The following MRPL42 variants were observed in gnomAD, a reference collection of about 807,000 sequenced individuals.
MRPL42 encodes the protein large ribosomal subunit protein mL42.
Under a neutral mutation model 17.9 loss-of-function variants are expected in MRPL42, and 17 were observed. The ratio of observed to expected loss-of-function variants is 0.95; its 90% CI spans 0.65 to 1.42. The LOEUF is 1.42. Among genes scored for constraint, MRPL42 ranks in the 40% most tolerant of loss-of-function variants. The probability of loss-of-function intolerance (pLI) is 0.00; values close to 1 mark genes in which losing one functional copy is unlikely to be tolerated. For synonymous variants in MRPL42, 59 were observed against 54.4 expected (o/e 1.08, Z -0.37); for missense variants, 177 against 175.2 (o/e 1.01, Z -0.06).
In MRPL42 at chr12:93,510,049, G is replaced by A. The variant is rs1374917839; in HGVS notation, c.*8828G>A. On this transcript the variant is annotated 3_prime_UTR_variant, in exon 6 of 6. Transcript: ENST00000549982. Reference sequence around the variant, plus strand: ...ACAATGACATGTATCCATCTTTATAGTCATGCAGAGTCTACACTGTCCTAA... The same window carrying A: ...ACAATGACATGTATCCATCTTTATAATCATGCAGAGTCTACACTGTCCTAA... The A allele has an allele frequency of 2.0e-5, 3 of 152,226 alleles. No homozygotes were observed. The highest frequency in any genetic ancestry group is 2.0e-4 in the Admixed American group (3 of 15,276). 9.4% of individuals were successfully genotyped at this position (152,226 alleles called of 1,614,324 possible). A position where few individuals can be genotyped will look rare whatever the true frequency, so the allele number is the denominator to read the frequency against.
At chr12:93,484,205 G>C (rs1880598689) in intron 4 of MRPL42, among the ~76,000 whole-genome samples, 1 of 152,040 alleles carries the variant, frequency 6.6e-6, no homozygotes, top group Non-Finnish European at 1.5e-5. Context: ...TATAGTAAAT[G>C]CATAAACCAG....
At position 93,508,257 on chromosome 12, in the gene MRPL42, A is replaced by T. The variant is rs189796816; in HGVS notation, c.*7036A>T. The T allele has an allele frequency of 1.5e-4, 19 of 123,972 alleles. No individual in the cohort carries two copies. Among genetic ancestry groups the T allele is most frequent in the Admixed American group, 1.5e-3 (19 of 12,546 alleles). 7.7% of individuals were successfully genotyped at this position (123,972 alleles called of 1,614,324 possible). A position where few individuals can be genotyped will look rare whatever the true frequency, so the allele number is the denominator to read the frequency against. On this transcript the variant is annotated 3_prime_UTR_variant, in exon 6 of 6. Transcript: ENST00000549982. ...ACCACGCCTGGTCTTCTACAAAAAAATTTTAAAAAATTAGCTGGGGGTGGG... is the reference window on the plus strand; with the variant it reads ...ACCACGCCTGGTCTTCTACAAAAAATTTTTAAAAAATTAGCTGGGGGTGGG...
chr12:93,495,588 C>G (rs1421445674), intron 5 of MRPL42, among the ~76,000 whole-genome samples: 1 of 152,154 alleles, frequency 6.6e-6, no homozygotes, highest in Non-Finnish European at 1.5e-5. Flanking sequence ...ATCAACGATA[C>G]TTATTAGCCA....
chr12:93,485,303 C>T lies in MRPL42; in HGVS notation c.220-2194C>T, dbSNP rs188320846. Among the ~76,000 whole-genome samples, 15 of 151,264 alleles carry T rather than the reference C, an allele frequency of 9.9e-5. No individual in the cohort carries two copies. In the East Asian group the frequency reaches 2.4e-3, roughly 24 times the overall value. ...TCAGCCTCCTGAGTAGCCGGGACTGCAGGTGTGAGCTACCATGCCTGGCTA... is the reference window on the plus strand; with the variant it reads ...TCAGCCTCCTGAGTAGCCGGGACTGTAGGTGTGAGCTACCATGCCTGGCTA... On this transcript the variant is annotated intron_variant, in intron 4 of 5. Transcript: ENST00000549982.
In MRPL42 at chr12:93,511,773, T is replaced by A. The variant is rs1217104004; in HGVS notation, c.*10552T>A. 1.3e-5 allele frequency: 2 copies of A among 152,232 alleles called. No homozygotes were observed. Among genetic ancestry groups the A allele is most frequent in the African/African-American group, 4.8e-5 (2 of 41,462 alleles). The allele number at this position is 152,232 out of a possible 1,614,324, so 9.4% of individuals were successfully genotyped here. On this transcript the variant is annotated 3_prime_UTR_variant, in exon 6 of 6. Transcript: ENST00000549982. Reference sequence around the variant, plus strand: ...TAAAGTGTGGAATAAATTACTTTGTTAATTAATGTGGTTTGAAGCTTTGTA... The same window carrying A: ...TAAAGTGTGGAATAAATTACTTTGTAAATTAATGTGGTTTGAAGCTTTGTA...
intron 4 of MRPL42, among the ~76,000 whole-genome samples, chr12:93,485,013 T>TACACAC (rs1389054796): frequency 9.0e-6 from 1 of 111,716 alleles, no homozygotes; most frequent in African/African-American, 3.6e-5. Context: ...TATATATATA[T>TACACAC]ATATATATAT....
chr12:93,492,614 C>T (rs1953435818), intron 5 of MRPL42, among the ~76,000 whole-genome samples: 1 of 152,200 alleles, frequency 6.6e-6, no homozygotes, highest in Non-Finnish European at 1.5e-5. Flanking sequence ...TTTTATCAGA[C>T]TCTCAATGAA....
chr12:93,496,348 C>G (rs1488762942), intron 5 of MRPL42, among the ~76,000 whole-genome samples: 1 of 152,046 alleles, frequency 6.6e-6, no homozygotes. Flanking sequence ...CATGAGCCAC[C>G]ACGCCCAGAC....
chr12:93,481,092 G>C (rs1473700108), intron 4 of MRPL42, among the ~76,000 whole-genome samples: 6 of 152,122 alleles, frequency 3.9e-5, no homozygotes, highest in Non-Finnish European at 8.8e-5. Flanking sequence ...ATTATACTAA[G>C]AATGCCAGGT....
At position 93,470,503 on chromosome 12, in the gene MRPL42, C is replaced by T. The variant is rs911698792; in HGVS notation, c.70+1148C>T. The T allele has an allele frequency of 5.4e-6, 7 of 1,289,830 alleles. No individual in the cohort carries two copies. The African/African-American group carries it at 1.1e-4, about 20-fold the overall frequency. The allele number at this position is 1,289,830 out of a possible 1,614,324, so 79.9% of individuals were successfully genotyped here. On this transcript the variant is annotated intron_variant, in intron 2 of 5. Coordinates refer to ENST00000549982, the MANE Select transcript of MRPL42 (RefSeq NM_014050.4). ...TATTTTAGATTCGGGCGTACATGTG[C>T]AGGTTTGTTACGTGGATGTATTACA... is the stretch of plus-strand genomic sequence containing the variant.
At chr12:93,469,140 A>G (rs1478559839) in intron 1 of MRPL42, 52 bp from the exon 2 acceptor site, 3 of 581,370 alleles carry the variant, frequency 5.2e-6, no homozygotes, top group Admixed American at 3.5e-5. Context: ...GGTGTTTAAT[A>G]TAACTTAAAT....
rs1953760437 is a variant in MRPL42 at position 93,514,431 on chromosome 12, C to G, written c.*13210C>G. On this transcript the variant is annotated 3_prime_UTR_variant, in exon 6 of 6. Coordinates refer to ENST00000549982, the MANE Select transcript of MRPL42 (RefSeq NM_014050.4). ...GGGATTACAGGCACCCACCACCACA[C>G]CTGGCTAATTTTTTTTTTTGGTAGA... The G allele has an allele frequency of 6.6e-6, 1 of 151,180 alleles. No individual in the cohort carries two copies. Among genetic ancestry groups the G allele is most frequent in the Non-Finnish European group, 1.5e-5 (1 of 67,966 alleles). The allele number at this position is 151,180 out of a possible 1,614,324, so 9.4% of individuals were successfully genotyped here.
Position 93,503,265 on chromosome 12 carries a change from A to G in MRPL42, c.*2044A>G, listed in dbSNP as rs1953621554. ...ACATCTCGCCCAAAAGTGACTTTTA[A>G]AAGCACTTAATTAGCAGAGAATTTG... On this transcript the variant is annotated 3_prime_UTR_variant, in exon 6 of 6. Transcript: ENST00000549982. 6.6e-6 allele frequency: 1 copy of G among 152,204 alleles called. No individual in the cohort carries two copies. Among genetic ancestry groups the G allele is most frequent in the African/African-American group, 2.4e-5 (1 of 41,458 alleles). The allele number at this position is 152,204 out of a possible 1,614,324, so 9.4% of individuals were successfully genotyped here. A position where few individuals can be genotyped will look rare whatever the true frequency, so the allele number is the denominator to read the frequency against.
chr12:93,505,645 GAAT>G lies in MRPL42; in HGVS notation c.*4426_*4428del, dbSNP rs1446638245. The G allele has an allele frequency of 1.3e-5, 2 of 152,166 alleles. No individual in the cohort carries two copies. The highest frequency in any genetic ancestry group is 4.8e-5 in the African/African-American group (2 of 41,422). 9.4% of individuals were successfully genotyped at this position (152,166 alleles called of 1,614,324 possible). A position where few individuals can be genotyped will look rare whatever the true frequency, so the allele number is the denominator to read the frequency against. On this transcript the variant is annotated 3_prime_UTR_variant, in exon 6 of 6. Transcript: ENST00000549982. ...GTGCTGTTTAACCTTGTGAATGTGA[GAAT>G]ATTTTGAATGCACTGGGAAGGAATA...
At chr12:93,484,979 C>CACACAT (rs1555201395) in intron 4 of MRPL42, among the ~76,000 whole-genome samples, 8 of 22,472 alleles carry the variant, frequency 3.6e-4, no homozygotes, top group South Asian at 2.2e-3. Context: ...CACACACACA[C>CACACAT]ATATATATAT....
rs968827195 is a variant in MRPL42, at chr12:93,470,135, A to G, written c.70+780A>G. On this transcript the variant is annotated intron_variant, in intron 2 of 5. Transcript: ENST00000549982. ...ATTGTTAATATTTTGGTGGATTGTCATTGTGTTTTTTCTATGTACCTAGCC... is the reference window on the plus strand; with the variant it reads ...ATTGTTAATATTTTGGTGGATTGTCGTTGTGTTTTTTCTATGTACCTAGCC... Among the ~76,000 whole-genome samples the G allele has an allele frequency of 3.3e-5, 5 of 152,218 alleles. 1 individual carries two copies. Among genetic ancestry groups the G allele is most frequent in the East Asian group, 1.9e-4 (1 of 5,186 alleles).
At position 93,514,314 on chromosome 12, in the gene MRPL42, T is replaced by G. The variant is rs1953758888; in HGVS notation, c.*13093T>G. The G allele has an allele frequency of 8.9e-6, 1 of 112,436 alleles. No individual in the cohort carries two copies. The highest frequency in any genetic ancestry group is 1.9e-5 in the Non-Finnish European group (1 of 53,422). 7.0% of individuals were successfully genotyped at this position (112,436 alleles called of 1,614,324 possible). A position where few individuals can be genotyped will look rare whatever the true frequency, so the allele number is the denominator to read the frequency against. On this transcript the variant is annotated 3_prime_UTR_variant, in exon 6 of 6. Transcript: ENST00000549982. ...TTCTTTCTTTTTTTTTTTTTTTTTT[T>G]TGAGATGGCGTCTCCTCTGTCAATC...
chr12:93,471,338 A>G (rs1879899582), intron 2 of MRPL42, among the ~76,000 whole-genome samples: 1 of 151,770 alleles, frequency 6.6e-6, no homozygotes, highest in Non-Finnish European at 1.5e-5. Flanking sequence ...TAATATTTGT[A>G]TTTTTAGTAG....
In MRPL42 at chr12:93,501,441, G is replaced by T; in HGVS notation, c.*220G>T. On this transcript the variant is annotated 3_prime_UTR_variant, in exon 6 of 6. Transcript: ENST00000549982. Reference sequence around the variant, plus strand: ...TTTTCTATTTTAGTGTTTCATTTATGTGCGGTCTCCAATTTAGGACTTTTC... The same window carrying T: ...TTTTCTATTTTAGTGTTTCATTTATTTGCGGTCTCCAATTTAGGACTTTTC... The T allele has an allele frequency of 3.1e-6, 1 of 321,198 alleles. No individual in the cohort carries two copies. 19.9% of individuals were successfully genotyped at this position (321,198 alleles called of 1,614,324 possible).
Sources: allele counts gnomAD v4.1 joint callset (sites outside exome capture counted in the v4.1 genomes callset), GRCh38; gene constraint gnomAD v4.1.1; transcripts MANE v1.5; gene names NCBI Gene and HGNC (gene_info 2026-07-23, HGNC 2026-07-21).